Variants in CLSTN2 observed in about 807,000 individuals in gnomAD.
CLSTN2 encodes calsyntenin-2.
CLSTN2 carries 48 observed loss-of-function variants against 101.2 expected under a neutral mutation model. The ratio of observed to expected loss-of-function variants is 0.47; its 90% confidence interval spans 0.38 to 0.60. CLSTN2 has a LOEUF of 0.60. Ranked by LOEUF, CLSTN2 falls within the 20% of genes least tolerant of loss-of-function variation. The pLI is 0.00. For missense variants in CLSTN2, 1,160 were observed against 1,238.2 expected (o/e 0.94, Z 0.95); for synonymous variants, 481 against 463.6 (o/e 1.04, Z -0.48).
At chr3:140,141,054 A>G (rs113426355) in intron 1 of CLSTN2, among the ~76,000 whole-genome samples, 1,894 of 152,348 alleles carry the variant, frequency 0.012, 40 homozygotes, top group African/African-American at 0.042. Flanking sequence ...CAGGGTGGAG[A>G]AAGCTGTGGG....
intron 1 of CLSTN2, among the ~76,000 whole-genome samples, chr3:139,968,537 A>G (rs1044210589): frequency 3.9e-5 from 6 of 152,188 alleles, no homozygotes; most frequent in Non-Finnish European, 8.8e-5. Context: ...ACCTTTCACC[A>G]TATGAAGACA....
intron 8 of CLSTN2, among the ~76,000 whole-genome samples, chr3:140,490,488 T>C (rs1934332344): frequency 6.6e-6 from 1 of 151,424 alleles, no homozygotes; most frequent in Admixed American, 6.6e-5. Flanking sequence ...CTCTCATCCT[T>C]GCTGCTATTT....
rs953232962 is a variant in CLSTN2 at position 140,569,385 on chromosome 3, T to G, written c.*3132T>G. 1 of 152,172 alleles carries G rather than the reference T, an allele frequency of 6.6e-6. No homozygotes were observed. The highest frequency in any genetic ancestry group is 2.4e-5 in the African/African-American group (1 of 41,440). 9.4% of individuals were successfully genotyped at this position (152,172 alleles called of 1,614,324 possible). A position where few individuals can be genotyped will look rare whatever the true frequency, so the allele number is the denominator to read the frequency against. Reference sequence around the variant, plus strand: ...CCAGTTCATTGCTTGTCTTGCCAAGTGGACAACCAGATTCTGCCTTCCTGA... The same window carrying G: ...CCAGTTCATTGCTTGTCTTGCCAAGGGGACAACCAGATTCTGCCTTCCTGA... On this transcript the variant is annotated 3_prime_UTR_variant, in exon 17 of 17. Transcript: ENST00000458420.
At chr3:140,180,283 GCTTCTCAGCACTTA>G (rs2010388987) in intron 2 of CLSTN2, among the ~76,000 whole-genome samples, 1 of 152,134 alleles carries the variant, frequency 6.6e-6, no homozygotes, top group Admixed American at 6.5e-5. Flanking sequence ...TAGAGCCAGG[GCTTCTCAGCACTTA>G]CTCTAAGTTC....
intron 2 of CLSTN2, among the ~76,000 whole-genome samples, chr3:140,383,596 G>A (rs1409589263): frequency 1.3e-5 from 2 of 152,144 alleles, no homozygotes; most frequent in Non-Finnish European, 2.9e-5. Context: ...AGATCTTACT[G>A]GGGATAGTAT....
intron 5 of CLSTN2, among the ~76,000 whole-genome samples, chr3:140,433,416 C>T (rs1432511356): frequency 6.6e-6 from 1 of 152,260 alleles, no homozygotes; most frequent in Non-Finnish European, 1.5e-5. Flanking sequence ...GGCCTCCTGA[C>T]TCAGAGCCCC....
In CLSTN2 at chr3:140,459,442, T is replaced by A. The variant is rs1311229039; in HGVS notation, c.974-79T>A. ...TCTCTGAGTAAGTACACTGAGTAGT[T>A]CACCTTGACCCAGGAGCAGAAAACA... On this transcript the variant is annotated intron_variant, in intron 6 of 16. Coordinates refer to ENST00000458420, the MANE Select transcript of CLSTN2 (RefSeq NM_022131.3). 5 of 1,534,574 alleles carry A rather than the reference T, an allele frequency of 3.3e-6. No individual in the cohort carries two copies. The East Asian group carries it at 9.0e-5, about 28-fold the overall frequency.
intron 9 of CLSTN2, among the ~76,000 whole-genome samples, chr3:140,542,624 C>A (rs1050783108): frequency 6.6e-6 from 1 of 152,002 alleles, no homozygotes; most frequent in Non-Finnish European, 1.5e-5. Flanking sequence ...TTATACTGGC[C>A]TCCTGTTGAA....
At position 140,135,660 on chromosome 3, in the gene CLSTN2, A is replaced by G. The variant is rs114239693; in HGVS notation, c.110-40291A>G. Among the ~76,000 whole-genome samples, 984 of 152,278 alleles carry G rather than the reference A, an allele frequency of 6.5e-3. 6 individuals carry two copies. Among genetic ancestry groups the G allele is most frequent in the African/African-American group, 0.022 (925 of 41,568 alleles). On this transcript the variant is annotated intron_variant, in intron 1 of 16. Coordinates refer to ENST00000458420, the MANE Select transcript of CLSTN2 (RefSeq NM_022131.3). ...AGAGAGGATCTATAGTGGAGCACAC[A>G]ATAACACGAGGAACAATAGCATTGG...
intron 1 of CLSTN2, among the ~76,000 whole-genome samples, chr3:140,117,476 G>A (rs887848010): frequency 6.6e-6 from 1 of 152,140 alleles, no homozygotes; most frequent in Non-Finnish European, 1.5e-5. Context: ...AGGTAAAGTG[G>A]GCAGGTCCCT....
intron 1 of CLSTN2, among the ~76,000 whole-genome samples, chr3:140,018,163 G>A (rs1317551044): frequency 1.3e-5 from 2 of 152,232 alleles, no homozygotes; most frequent in African/African-American, 2.4e-5. Flanking sequence ...TCATTGTAGT[G>A]GCTGAGCAAT....
intron 2 of CLSTN2, among the ~76,000 whole-genome samples, chr3:140,208,830 G>T (rs900657230): frequency 1.3e-5 from 2 of 152,114 alleles, no homozygotes; most frequent in Admixed American, 1.3e-4. Flanking sequence ...GTACTCAGGG[G>T]GTAGTTGGGA....
chr3:140,463,832 G>T (rs1255067778), intron 7 of CLSTN2, among the ~76,000 whole-genome samples: 1 of 152,186 alleles, frequency 6.6e-6, no homozygotes, highest in Non-Finnish European at 1.5e-5. Context: ...CAACCAGAGG[G>T]CTGCCTGCCA....
chr3:140,530,679 G>T (rs1479205169), intron 8 of CLSTN2, among the ~76,000 whole-genome samples: 1 of 152,252 alleles, frequency 6.6e-6, no homozygotes, highest in African/African-American at 2.4e-5. Context: ...CAACATGCCA[G>T]TCACACAGAG....
In CLSTN2 at chr3:140,176,072, A is replaced by G; in HGVS notation, c.231A>G (p.Ala77=). The part of the protein sequence containing the change: ...ALDKDAPVPF[A]GEICAFKIHG... ...ATAAAGATGCACCGGTTCCTTTTGC[A>G]GGTGAGATTATGGCTTCGTACGGCT... Residue 77 remains alanine (A), a splice_region_variant and synonymous_variant, in exon 2 of 17, where the codon GCA becomes GCG. Transcript: ENST00000458420. 1.9e-6 allele frequency: 3 copies of G among 1,613,712 alleles called. No homozygotes were observed. Among genetic ancestry groups the G allele is most frequent in the Admixed American group, 3.3e-5 (2 of 59,982 alleles).
At chr3:140,203,044 A>T (rs1269897077) in intron 2 of CLSTN2, among the ~76,000 whole-genome samples, 2 of 152,160 alleles carry the variant, frequency 1.3e-5, no homozygotes, top group Non-Finnish European at 2.9e-5. Context: ...AGGTGGGAGG[A>T]TCTGGCTCCT....
rs764767827 is a variant in CLSTN2 at position 140,556,990 on chromosome 3, C to T, written c.1823+329C>T. 7 of 246,150 alleles carry T rather than the reference C, an allele frequency of 2.8e-5. No homozygotes were observed. The East Asian group carries it at 5.7e-4, about 20-fold the overall frequency. 15.2% of individuals were successfully genotyped at this position (246,150 alleles called of 1,614,324 possible). ...CGTTTGAAGTGTTCTGATTTAAGGG[C>T]GCAGTGCGTGGTACACAGGAAGTCC... On this transcript the variant is annotated intron_variant, in intron 11 of 16. Transcript: ENST00000458420.
At position 140,285,631 on chromosome 3, in the gene CLSTN2, C is replaced by G. The variant is rs144182422; in HGVS notation, c.232+109558C>G. ...TTGTTAAACACAGATTGCCAATTGCCCTCCCTAGGGTTTCTAATTCATTGG... is the reference window on the plus strand; with the variant it reads ...TTGTTAAACACAGATTGCCAATTGCGCTCCCTAGGGTTTCTAATTCATTGG... On this transcript the variant is annotated intron_variant, in intron 2 of 16. Coordinates refer to ENST00000458420, the MANE Select transcript of CLSTN2 (RefSeq NM_022131.3). 5.3e-5 allele frequency among the ~76,000 whole-genome samples: 8 copies of G among 152,238 alleles called. No individual in the cohort carries two copies. In the East Asian group the frequency reaches 1.5e-3, roughly 29 times the overall value.
At chr3:140,210,879 A>G (rs1043378361) in intron 2 of CLSTN2, among the ~76,000 whole-genome samples, 2 of 152,124 alleles carry the variant, frequency 1.3e-5, no homozygotes, top group African/African-American at 4.8e-5. Flanking sequence ...TATGAATCTG[A>G]GGATAACTCA....
Sources: allele counts gnomAD v4.1 joint callset (sites outside exome capture counted in the v4.1 genomes callset), GRCh38; gene constraint gnomAD v4.1.1; transcripts MANE v1.5; gene names NCBI Gene and HGNC (gene_info 2026-07-23, HGNC 2026-07-21).